CENPT: variants seen among roughly 807,000 people sequenced by gnomAD.
CENPT encodes the protein centromere protein T, also known as interphase centromere complex protein 22.
In CENPT, 42 loss-of-function variants were observed where a neutral mutation model predicts 59.7. The ratio of observed to expected loss-of-function variants is 0.70; its 90% CI spans 0.55 to 0.91. The LOEUF (loss-of-function observed/expected upper bound fraction) is 0.91. CENPT is among the 40% of genes least tolerant of loss of function. CENPT has a pLI of 0.00. For missense variants in CENPT, 716 were observed against 713.4 expected, an observed-to-expected ratio of 1.00 and a Z score of -0.04; for synonymous variants, 295 against 289.6, an observed-to-expected ratio of 1.02 and a Z score of -0.19.
In CENPT at chr16:67,831,825, C is replaced by T. The variant is rs747717633; in HGVS notation, c.452G>A (p.Gly151Asp). The T allele has an allele frequency of 1.2e-6, 2 of 1,606,168 alleles. No individual in the cohort carries two copies. Among genetic ancestry groups the T allele is most frequent in the Admixed American group, 3.4e-5 (2 of 58,288 alleles). The change falls in exon 8 of 16, where the codon GGC becomes GAC. Residue 151 changes from glycine (G) to aspartate (D), a missense_variant. Coordinates refer to ENST00000562787, the MANE Select transcript of CENPT (RefSeq NM_025082.4). Reference sequence around the variant, plus strand: ...CAGTCTCAGCCTCTGTTTCCTCCTGCCAGGGGCCAGCAGACCTGGAGCCAG... The same window carrying T: ...CAGTCTCAGCCTCTGTTTCCTCCTGTCAGGGGCCAGCAGACCTGGAGCCAG... ...TTLAPGLLAP[G>D]RRKQRLRLSV...
chr16:67,831,406 G>T (rs748827853), intron 9 of CENPT, 48 bp from the exon 10 acceptor site: 1 of 1,599,054 alleles, frequency 6.3e-7, no homozygotes, highest in Non-Finnish European at 8.5e-7. Context: ...CTGAGACCCA[G>T]TTTGCCCACA....
In CENPT at chr16:67,829,929, C is replaced by A; in HGVS notation, c.1022G>T (p.Gly341Val). The change falls in exon 12 of 16, where the codon GGT becomes GTT. Residue 341 changes from glycine (G) to valine (V), a missense_variant. Transcript: ENST00000562787. ...TGCCTCCATTTCACTCACACTCACA[C>A]CTTCTTCTTCCATCTTTTTCTCTGC... is the stretch of plus-strand genomic sequence containing the variant. ...EEAEKKMEEE[G>V]VSVSEMEATG... 6.2e-7 allele frequency: 1 copy of A among 1,614,246 alleles called. No individual in the cohort carries two copies. The highest frequency in any genetic ancestry group is 8.5e-7 in the Non-Finnish European group (1 of 1,180,054).
rs961583488 is a variant in CENPT, at chr16:67,833,854, A to T, written c.6T>A (p.Ala2=). M[A]DHNPDSDSTP... ...TGGAGTCGCTGTCAGGGTTGTGGTCAGCCATCGTCTCGGCCCCGGGCCCTC... is the reference window on the plus strand; with the variant it reads ...TGGAGTCGCTGTCAGGGTTGTGGTCTGCCATCGTCTCGGCCCCGGGCCCTC... Residue 2 remains alanine, a synonymous_variant, in exon 4 of 16, where the codon GCT becomes GCA. Transcript: ENST00000562787. The T allele has an allele frequency of 2.6e-6, 4 of 1,544,148 alleles. No individual in the cohort carries two copies. Among genetic ancestry groups the T allele is most frequent in the Middle Eastern group, 1.7e-4 (1 of 5,818 alleles).
Position 67,831,787 on chromosome 16 carries a change from G to C in CENPT, c.490C>G (p.Gln164Glu), listed in dbSNP as rs780043405. The change falls in exon 8 of 16, where the codon CAG becomes GAG. Residue 164 changes from glutamine (Q) to glutamate (E), a missense_variant. Transcript: ENST00000562787. Reference sequence around the variant, plus strand: ...AGAGACAGCCCCTGGTCCACTCCCTGCTGAAACACTGACAGTCTCAGCCTC... The same window carrying C: ...AGAGACAGCCCCTGGTCCACTCCCTCCTGAAACACTGACAGTCTCAGCCTC... ...KQRLRLSVFQ[Q>E]GVDQGLSLSQ... 2 of 1,589,702 alleles carry C rather than the reference G, an allele frequency of 1.3e-6. No individual in the cohort carries two copies. The highest frequency in any genetic ancestry group is 3.6e-5 in the Admixed American group (2 of 56,182).
In CENPT at chr16:67,828,306, G is replaced by A. The variant is rs747793045; in HGVS notation, c.1647C>T (p.Pro549=). The A allele has an allele frequency of 1.2e-6, 2 of 1,608,658 alleles. No homozygotes were observed. The highest frequency in any genetic ancestry group is 2.2e-5 in the South Asian group (2 of 90,698). The change falls in exon 16 of 16, where the codon CCC becomes CCT. Residue 549 remains proline, a synonymous_variant. Coordinates refer to ENST00000562787, the MANE Select transcript of CENPT (RefSeq NM_025082.4). ...LPLEYRQLLI[P]CAYSGNSVFP... ...AGACAGAGTTGCCACTGTATGCACA[G>A]GGGATGAGCAGCTGCCGGTACTCCA...
intron 1 of CENPT, among the ~76,000 whole-genome samples, chr16:67,836,913 T>C (rs2057737580): frequency 6.6e-6 from 1 of 152,178 alleles, no homozygotes; most frequent in Admixed American, 6.5e-5. Flanking sequence ...GGCTAATTTT[T>C]TGTATTTTTA....
intron 1 of CENPT, chr16:67,841,994 A>C (rs1413121097): frequency 4.6e-5 from 7 of 152,234 alleles, no homozygotes; most frequent in Non-Finnish European, 1.5e-5. Context: ...GTTCAGCGCG[A>C]GGCATCACGG....
At chr16:67,833,118 C>T (rs2057709460) in intron 4 of CENPT, among the ~76,000 whole-genome samples, 1 of 152,168 alleles carries the variant, frequency 6.6e-6, no homozygotes, top group African/African-American at 2.4e-5. Context: ...ACGTATGCAT[C>T]CTCTGCACCA....
At chr16:67,831,133 C>T in intron 10 of CENPT, 83 bp downstream of exon 10, 5 of 1,593,432 alleles carry the variant, frequency 3.1e-6, no homozygotes, top group Non-Finnish European at 3.4e-6. Flanking sequence ...GAGAGGGGTG[C>T]AACCCTGACT....
chr16:67,829,377 C>T (rs751920455), intron 13 of CENPT, 46 bp downstream of exon 13: 4 of 1,469,226 alleles, frequency 2.7e-6, no homozygotes, highest in Admixed American at 4.2e-5. Context: ...ATACCCAATG[C>T]TCCCTTCCCA....
intron 14 of CENPT, 25 bp from the exon 15 acceptor site, chr16:67,828,603 A>C: frequency 6.2e-7 from 1 of 1,614,004 alleles, no homozygotes; most frequent in Non-Finnish European, 8.5e-7. Flanking sequence ...GGGATAGAGC[A>C]GGCTGAACAG....
At chr16:67,846,522 G>T (rs910354320) in intron 1 of CENPT, among the ~76,000 whole-genome samples, 3 of 152,252 alleles carry the variant, frequency 2.0e-5, no homozygotes, top group African/African-American at 7.2e-5. Context: ...AGGGGGTTTC[G>T]TGAGCGGAAA....
intron 10 of CENPT, 99 bp downstream of exon 10, chr16:67,831,117 C>T: frequency 6.6e-7 from 1 of 1,524,784 alleles, no homozygotes; most frequent in Non-Finnish European, 9.0e-7. Flanking sequence ...TGTCCTTGAC[C>T]CCACCGAGAG....
At position 67,831,609 on chromosome 16, in the gene CENPT, G is replaced by A. The variant is rs1567369022; in HGVS notation, c.527C>T (p.Pro176Leu). The A allele has an allele frequency of 1.2e-6, 2 of 1,614,134 alleles. No homozygotes were observed. Among genetic ancestry groups the A allele is most frequent in the Non-Finnish European group, 8.5e-7 (1 of 1,180,006 alleles). The change falls in exon 9 of 16, where the codon CCT becomes CTT. Residue 176 changes from proline to leucine, a missense_variant. Physicochemically the swap from Pro to Leu is moderately conservative, Grantham distance 98. Transcript: ENST00000562787. The stretch of plus-strand genomic sequence containing the variant: ...GGAAGAGGCATCAGCATTCCCTTGA[G>A]GCTCTGTCAGCAACCGGCAAGAGAA... Reference protein sequence around the residue: ...VDQGLSLSQEPQGNADASSLT... With the variant: ...VDQGLSLSQELQGNADASSLT...
rs1387908880 is a variant in CENPT, at chr16:67,842,041, T to TGCGCACCGGTGAGGC, written c.-492+5345_-492+5359dup. On this transcript the variant is annotated intron_variant, in intron 1 of 15. Transcript: ENST00000562787. This position sits in a 1 kb window ranked among gnomAD's most constrained non-coding sequence, Gnocchi z 4.9. ...TCCGTGGGCATATACCCACCGCGCTTGCGCACCGGTGAGGCGCGCACCGCC... is the reference window on the plus strand; with the variant it reads ...TCCGTGGGCATATACCCACCGCGCTTGCGCACCGGTGAGGCGCGCACCGGTGAGGCGCGCACCGCC... The TGCGCACCGGTGAGGC allele has an allele frequency of 2.0e-5, 3 of 152,356 alleles. No homozygotes were observed. The allele number at this position is 152,356 out of a possible 1,614,324, so 9.4% of individuals were successfully genotyped here.
Position 67,843,602 on chromosome 16 carries a change from C to T in CENPT, c.-492+3799G>A, listed in dbSNP as rs1030580190. 34 of 1,231,102 alleles carry T rather than the reference C, an allele frequency of 2.8e-5. No homozygotes were observed. Among genetic ancestry groups the T allele is most frequent in the Non-Finnish European group, 3.7e-5 (33 of 892,266 alleles). 76.3% of individuals were successfully genotyped at this position (1,231,102 alleles called of 1,614,324 possible). A position where few individuals can be genotyped will look rare whatever the true frequency, so the allele number is the denominator to read the frequency against. ...TACTCCTGGGCACTGGTTGACAGTA[C>T]TGAGGCTTAAGGCAGCTGGACTCTC... On this transcript the variant is annotated intron_variant, in intron 1 of 15. Coordinates refer to ENST00000562787, the MANE Select transcript of CENPT (RefSeq NM_025082.4). The surrounding 1 kb of genome is among the most constrained non-coding windows in gnomAD (Gnocchi z 5.7).
At chr16:67,846,495 G>A (rs552292412) in intron 1 of CENPT, among the ~76,000 whole-genome samples, 33 of 152,392 alleles carry the variant, frequency 2.2e-4, no homozygotes, top group Non-Finnish European at 4.4e-4. Context: ...AACAGCGGCA[G>A]CCATAGCCCC....
intron 10 of CENPT, 122 bp from the exon 11 acceptor site, chr16:67,830,670 T>G: frequency 1.0e-6 from 1 of 974,642 alleles, no homozygotes. Flanking sequence ...GACAGTGGGC[T>G]GCATGGGTCC....
chr16:67,830,662 C>G, intron 10 of CENPT, 114 bp from the exon 11 acceptor site: 1 of 1,081,020 alleles, frequency 9.3e-7, no homozygotes. Context: ...AGGGCCTGGA[C>G]AGTGGGCTGC....
Sources: gnomAD v4.1 joint callset for allele counts (sites outside exome capture counted in the v4.1 genomes callset) on GRCh38, gnomAD v4.1.1 for gene constraint, Gnocchi (gnomAD v3.1) non-coding constraint, MANE v1.5 for transcripts, NCBI Gene and HGNC (gene_info 2026-07-23, HGNC 2026-07-21) for gene names.